The following PPM1L variants were observed in gnomAD, a reference collection of about 807,000 sequenced individuals.
PPM1L encodes protein phosphatase, Mg2+/Mn2+ dependent 1L, also known as protein phosphatase 1L.
Under a neutral mutation model 31.4 loss-of-function variants are expected in PPM1L, and 13 were observed. The ratio of observed to expected loss-of-function variants is 0.41; its 90% CI spans 0.27 to 0.66. The LOEUF (loss-of-function observed/expected upper bound fraction) is 0.66. Ranked by LOEUF, PPM1L falls within the 30% of genes least tolerant of loss-of-function variation. PPM1L has a pLI of 0.29. For synonymous variants in PPM1L, 184 were observed against 175.4 expected (o/e 1.05, Z -0.39); for missense variants, 326 against 453.7 (o/e 0.72, Z 2.56).
At chr3:160,934,434 C>T (rs1297303509) in intron 1 of PPM1L, among the ~76,000 whole-genome samples, 1 of 152,124 alleles carries the variant, frequency 6.6e-6, no homozygotes, top group Non-Finnish European at 1.5e-5. Context: ...TCCCATCCAA[C>T]ATTATGTTAT....
chr3:160,965,123 C>T (rs920402947), intron 2 of PPM1L, among the ~76,000 whole-genome samples: 4 of 151,420 alleles, frequency 2.6e-5, no homozygotes, highest in African/African-American at 4.8e-5. Flanking sequence ...TGGTGGTGGG[C>T]GCCTGTAGTC....
chr3:160,941,207 C>T (rs1715151260), intron 1 of PPM1L, among the ~76,000 whole-genome samples: 1 of 152,170 alleles, frequency 6.6e-6, no homozygotes, highest in South Asian at 2.1e-4. Context: ...TTTGATTTTA[C>T]AGGCTCATAG....
chr3:160,772,252 G>A (rs764565237), intron 1 of PPM1L, among the ~76,000 whole-genome samples: 2 of 152,166 alleles, frequency 1.3e-5, no homozygotes, highest in East Asian at 1.9e-4. Flanking sequence ...GACAGAAATT[G>A]TTTATCCCCA....
intron 1 of PPM1L, among the ~76,000 whole-genome samples, chr3:160,812,765 G>C (rs73155992): frequency 1.3e-5 from 2 of 152,160 alleles, no homozygotes; most frequent in East Asian, 1.9e-4. Flanking sequence ...CATCAGGGAG[G>C]GGGGCAGCTG....
chr3:160,990,043 G>A (rs1263775382), intron 2 of PPM1L, among the ~76,000 whole-genome samples: 1 of 151,846 alleles, frequency 6.6e-6, no homozygotes, highest in Non-Finnish European at 1.5e-5. Flanking sequence ...CACCCAGGCT[G>A]GAATGCAGTG....
At chr3:161,032,866 A>ATTTT (rs61145165) in intron 2 of PPM1L, among the ~76,000 whole-genome samples, 4 of 107,352 alleles carry the variant, frequency 3.7e-5, no homozygotes, top group East Asian at 2.7e-4. Flanking sequence ...CTAATTTTGT[A>ATTTT]TTTTTTTTTT....
At chr3:161,056,484 A>G (rs2108102791) in intron 2 of PPM1L, among the ~76,000 whole-genome samples, 1 of 152,270 alleles carries the variant, frequency 6.6e-6, no homozygotes, top group South Asian at 2.1e-4. Context: ...TGACTGCAAC[A>G]TTTAAATAAC....
At chr3:160,827,120 C>T (rs1159810159) in intron 1 of PPM1L, among the ~76,000 whole-genome samples, 3 of 152,278 alleles carry the variant, frequency 2.0e-5, no homozygotes, top group African/African-American at 7.2e-5. Flanking sequence ...TTGTGCTTGG[C>T]TGCTTTCCTT....
At chr3:160,862,662 G>GCGCACACACACACACA (rs1553814126) in intron 1 of PPM1L, among the ~76,000 whole-genome samples, 1 of 127,194 alleles carries the variant, frequency 7.9e-6, no homozygotes, top group African/African-American at 3.5e-5. Context: ...CTAGGCACAC[G>GCGCACACACACACACA]CACACACACA....
chr3:160,878,353 A>T (rs1182618890), intron 1 of PPM1L, among the ~76,000 whole-genome samples: 2 of 152,194 alleles, frequency 1.3e-5, no homozygotes, highest in African/African-American at 4.8e-5. Context: ...ACAGACATTT[A>T]TTTCTCATGG....
At chr3:160,951,365 G>A (rs905572169) in intron 1 of PPM1L, among the ~76,000 whole-genome samples, 1 of 152,126 alleles carries the variant, frequency 6.6e-6, no homozygotes, top group African/African-American at 2.4e-5. Context: ...GGGAAGTAAG[G>A]TCAACTTTTT....
intron 1 of PPM1L, among the ~76,000 whole-genome samples, chr3:160,830,409 C>T (rs1312704497): frequency 6.6e-6 from 1 of 152,066 alleles, no homozygotes; most frequent in East Asian, 1.9e-4. Flanking sequence ...AGCATGCATC[C>T]TAGTGGAGTC....
intron 1 of PPM1L, among the ~76,000 whole-genome samples, chr3:160,789,780 A>C (rs1001653869): frequency 6.6e-6 from 1 of 151,926 alleles, no homozygotes; most frequent in Non-Finnish European, 1.5e-5. Context: ...ATATCGAACC[A>C]TCTTTATTCT....
chr3:160,788,152 A>T (rs1039875097), intron 1 of PPM1L, among the ~76,000 whole-genome samples: 5 of 152,020 alleles, frequency 3.3e-5, no homozygotes, highest in African/African-American at 1.2e-4. Flanking sequence ...TGTCTGAAAA[A>T]CAACTTTGGT....
intron 1 of PPM1L, among the ~76,000 whole-genome samples, chr3:160,835,039 A>ACTT (rs201253772): frequency 0.15 from 19,532 of 131,610 alleles, 1,655 homozygotes; most frequent in Middle Eastern, 0.19. Context: ...TACTACTACT[A>ACTT]CTTCTTCTTC....
At chr3:160,884,397 A>T (rs888535870) in intron 1 of PPM1L, among the ~76,000 whole-genome samples, 1 of 152,110 alleles carries the variant, frequency 6.6e-6, no homozygotes, top group Non-Finnish European at 1.5e-5. Context: ...GAGCAAAGGT[A>T]TGGAGATGGG....
chr3:160,833,861 T>C lies in PPM1L; in HGVS notation c.399+77154T>C, dbSNP rs185221517. 1.5e-3 allele frequency among the ~76,000 whole-genome samples: 226 copies of C among 152,172 alleles called. 2 individuals carry two copies. The highest frequency in any genetic ancestry group is 4.9e-3 in the African/African-American group (205 of 41,516). On this transcript the variant is annotated intron_variant, in intron 1 of 3. Coordinates refer to ENST00000498165, the MANE Select transcript of PPM1L (RefSeq NM_139245.4). Reference sequence around the variant, plus strand: ...GAAATCTTTGCCTATGCCTATGTCCTGAATGGTATTGCCCAGATTTTCTTC... The same window carrying C: ...GAAATCTTTGCCTATGCCTATGTCCCGAATGGTATTGCCCAGATTTTCTTC...
At chr3:160,814,001 C>T (rs1712890599) in intron 1 of PPM1L, among the ~76,000 whole-genome samples, 1 of 152,088 alleles carries the variant, frequency 6.6e-6, no homozygotes, top group Admixed American at 6.5e-5. Flanking sequence ...TTTATAGAGA[C>T]ATAGAAAAGT....
intron 1 of PPM1L, among the ~76,000 whole-genome samples, chr3:160,954,924 TTTCCTTCCTTCCTTCC>T (rs796768427): frequency 2.3e-5 from 2 of 85,932 alleles, no homozygotes; most frequent in African/African-American, 7.9e-5. Flanking sequence ...TCCTTCCTTC[TTTCCTTCCTTCCTTCC>T]TTCCTTCCTT....
Sources: allele counts gnomAD v4.1 joint callset (sites outside exome capture counted in the v4.1 genomes callset), GRCh38; gene constraint gnomAD v4.1.1; transcripts MANE v1.5; gene names NCBI Gene and HGNC (gene_info 2026-07-23, HGNC 2026-07-21).